SEC23A: variants seen among roughly 807,000 people sequenced by gnomAD.
The protein encoded by SEC23A is protein transport protein Sec23A.
In SEC23A, 56 loss-of-function variants were observed where a neutral mutation model predicts 103.7. That is an observed-to-expected ratio of 0.54 (90% CI 0.44 to 0.67). The LOEUF is 0.67. Among genes scored for constraint, SEC23A ranks in the 30% least tolerant of loss-of-function variants. The pLI is 0.00. For missense variants in SEC23A, 784 were observed against 936.4 expected, an observed-to-expected ratio of 0.84 and a Z score of 2.12; for synonymous variants, 281 against 293.0, an observed-to-expected ratio of 0.96 and a Z score of 0.42.
rs1274356182 is a variant in SEC23A, at chr14:39,094,430, ATATATATATATAT to A, written c.222-1199_222-1187del. On this transcript the variant is annotated intron_variant, in intron 2 of 19. Transcript: ENST00000307712. ...TATATATATATATATATATATATAT[ATATATATATATAT>A]TTTTTTTTTTTTTTTTTCCCCTCCT... Among the ~76,000 whole-genome samples, 94 of 39,218 alleles carry A rather than the reference ATATATATATATAT, an allele frequency of 2.4e-3. 14 individuals are homozygous for A. The highest frequency in any genetic ancestry group is 0.013 in the African/African-American group (64 of 5,052). 25.7% of individuals were successfully genotyped at this position (39,218 alleles called of 152,430 possible). A position where few individuals can be genotyped will look rare whatever the true frequency, so the allele number is the denominator to read the frequency against.
chr14:39,050,211 C>A (rs17092044), intron 14 of SEC23A, among the ~76,000 whole-genome samples: 15,166 of 152,168 alleles, frequency 0.1, 970 homozygotes, highest in East Asian at 0.32. Context: ...CCAAGACCCA[C>A]TATTTGAGTT....
intron 13 of SEC23A, 113 bp from the exon 14 acceptor site, chr14:39,055,409 G>T: frequency 5.3e-6 from 5 of 940,902 alleles, no homozygotes; most frequent in Non-Finnish European, 7.6e-6. Flanking sequence ...AAACTACTAG[G>T]ATTTTTTTTT....
chr14:39,094,052 C>G (rs1030024012), intron 2 of SEC23A, among the ~76,000 whole-genome samples: 3 of 151,170 alleles, frequency 2.0e-5, no homozygotes, highest in African/African-American at 7.3e-5. Context: ...GACAGGGTCT[C>G]GTTCTATTGC....
At position 39,085,687 on chromosome 14, in the gene SEC23A, T is replaced by C. The variant is rs56156769; in HGVS notation, c.828+75A>G. 294,169 of 1,158,724 alleles carry C rather than the reference T, an allele frequency of 0.25. 32,545 individuals are homozygous for C. The highest frequency in any genetic ancestry group is 0.31 in the East Asian group (11,450 of 37,434). 71.8% of individuals were successfully genotyped at this position (1,158,724 alleles called of 1,614,324 possible). On this transcript the variant is annotated intron_variant, in intron 7 of 19. Coordinates refer to ENST00000307712, the MANE Select transcript of SEC23A (RefSeq NM_006364.4). ...GGTTCTTCTTATCCTTATAATTATA[T>C]ATACACACACACACACACACACACA...
chr14:39,067,291 T>C lies in SEC23A; in HGVS notation c.1109A>G (p.Tyr370Cys), dbSNP rs755748033. Residue 370 changes from tyrosine to cysteine, a missense_variant, in exon 10 of 20, where the codon TAC becomes TGC. Physicochemically the swap from Tyr to Cys is radical, Grantham distance 194 (BLOSUM62 -2). Transcript: ENST00000307712. ...MKCCPNLTGG[Y>C]MVMGDSFNTS... ...ATTGAAAGAATCACCCATTACCATG[T>C]ATCCTCTGCATGGAAAGAACAAAAA... is the stretch of plus-strand genomic sequence containing the variant. The C allele has an allele frequency of 1.9e-6, 3 of 1,613,564 alleles. No homozygotes were observed. In the Admixed American group the frequency reaches 5.0e-5, roughly 27 times the overall value.
At chr14:39,051,563 T>C (rs1886059657) in intron 14 of SEC23A, among the ~76,000 whole-genome samples, 2 of 152,222 alleles carry the variant, frequency 1.3e-5, no homozygotes, top group Non-Finnish European at 2.9e-5. Flanking sequence ...TTTTTGAAAT[T>C]GAGGTGTGAG....
chr14:39,086,957 G>C lies in SEC23A; in HGVS notation c.655C>G (p.Gln219Glu). The C allele has an allele frequency of 6.3e-7, 1 of 1,597,606 alleles. No homozygotes were observed. The highest frequency in any genetic ancestry group is 8.6e-7 in the Non-Finnish European group (1 of 1,164,916). ...VPLTQATRGP[Q>E]VQQPPPSNRF... The stretch of plus-strand genomic sequence containing the variant: ...TTGGAAGGAGGTGGCTGCTGTACCT[G>C]AGGACCACGTGTTGCTTGAGTAAGT... The change falls in exon 6 of 20, where the codon CAG (glutamine) becomes GAG (glutamate). Residue 219 changes from glutamine to glutamate, a missense_variant. By Grantham distance (29) the Gln-to-Glu change is conservative (BLOSUM62 2). Transcript: ENST00000307712.
At chr14:39,095,579 G>A (rs951372584) in intron 2 of SEC23A, among the ~76,000 whole-genome samples, 1 of 152,150 alleles carries the variant, frequency 6.6e-6, no homozygotes, top group Non-Finnish European at 1.5e-5. Flanking sequence ...TTACAGGCAT[G>A]AGCCACCACG....
At chr14:39,053,653 A>C (rs934719786) in intron 14 of SEC23A, among the ~76,000 whole-genome samples, 1 of 152,196 alleles carries the variant, frequency 6.6e-6, no homozygotes, top group African/African-American at 2.4e-5. Flanking sequence ...TTTTAAAACA[A>C]GTCTAGTTCA....
intron 19 of SEC23A, among the ~76,000 whole-genome samples, chr14:39,035,134 G>A (rs1197568768): frequency 6.6e-6 from 1 of 152,042 alleles, no homozygotes; most frequent in Admixed American, 6.5e-5. Context: ...TAATCTATAT[G>A]AGCCTCAATT....
Position 39,032,405 on chromosome 14 carries a change from A to T in SEC23A, c.*834T>A, listed in dbSNP as rs1885332770. The T allele has an allele frequency of 6.6e-6, 1 of 152,624 alleles. No homozygotes were observed. Among genetic ancestry groups the T allele is most frequent in the South Asian group, 2.1e-4 (1 of 4,834 alleles). 9.5% of individuals were successfully genotyped at this position (152,624 alleles called of 1,614,324 possible). On this transcript the variant is annotated 3_prime_UTR_variant, in exon 20 of 20. Transcript: ENST00000307712. ...TACTGAAGGATATAATGCAAAATTT[A>T]CCTCTGAAAAACAAGGGGAAAACAA...
intron 1 of SEC23A, among the ~76,000 whole-genome samples, chr14:39,098,896 AC>A (rs1246812812): frequency 1.3e-5 from 2 of 151,406 alleles, no homozygotes; most frequent in Admixed American, 1.3e-4. Flanking sequence ...ATGTGCCATA[AC>A]AAAAAAAAAA....
chr14:39,101,139 C>A (rs540974866), intron 1 of SEC23A, among the ~76,000 whole-genome samples: 1 of 152,290 alleles, frequency 6.6e-6, no homozygotes, highest in South Asian at 2.1e-4. Flanking sequence ...CTGCCGCACC[C>A]AGCCACTAGT....
intron 15 of SEC23A, among the ~76,000 whole-genome samples, chr14:39,048,027 G>T (rs1885903830): frequency 6.6e-6 from 1 of 152,186 alleles, no homozygotes; most frequent in Non-Finnish European, 1.5e-5. Flanking sequence ...AACCTCAGAT[G>T]AAGTCCTTCT....
chr14:39,095,216 GAAGT>G (rs1887844093), intron 2 of SEC23A, among the ~76,000 whole-genome samples: 1 of 152,086 alleles, frequency 6.6e-6, no homozygotes, highest in African/African-American at 2.4e-5. Flanking sequence ...AATGGAAAGA[GAAGT>G]AAGAGATGAT....
At chr14:39,076,150 A>C (rs1887009428) in intron 7 of SEC23A, 57 bp from the exon 8 acceptor site, 1 of 1,274,952 alleles carries the variant, frequency 7.8e-7, no homozygotes, top group East Asian at 2.5e-5. Flanking sequence ...CATTTCTGAT[A>C]ATAATTTTTT....
rs1481616633 is a variant in SEC23A, at chr14:39,094,308, ACATATATATG to A, written c.222-1074_222-1065del. On this transcript the variant is annotated intron_variant, in intron 2 of 19. Coordinates refer to ENST00000307712, the MANE Select transcript of SEC23A (RefSeq NM_006364.4). ...CATATATATGCATATATACACATAT[ACATATATATG>A]CATATATACACATATACACATATAT... Among the ~76,000 whole-genome samples the A allele has an allele frequency of 7.5e-4, 74 of 98,450 alleles. 1 individual carries two copies. Among genetic ancestry groups the A allele is most frequent in the Middle Eastern group, 4.1e-3 (1 of 244 alleles). The allele number at this position is 98,450 out of a possible 152,430, so 64.6% of individuals were successfully genotyped here.
At chr14:39,094,756 TGTCAAG>T in intron 2 of SEC23A, 1 of 447,248 alleles carries the variant, frequency 2.2e-6, no homozygotes, top group Non-Finnish European at 3.9e-6. Context: ...ACTATACCAT[TGTCAAG>T]GTAGGAGTAA....
At chr14:39,064,615 A>T (rs1277448064) in intron 11 of SEC23A, 1 of 327,606 alleles carries the variant, frequency 3.1e-6, no homozygotes, top group African/African-American at 2.1e-5. Flanking sequence ...AACCATGAAT[A>T]GAGGTATACC....
Sources: allele counts gnomAD v4.1 joint callset (sites outside exome capture counted in the v4.1 genomes callset), GRCh38; gene constraint gnomAD v4.1.1; transcripts MANE v1.5; gene names NCBI Gene and HGNC (gene_info 2026-07-23, HGNC 2026-07-21).